Variants in MBOAT2 observed in about 807,000 individuals in gnomAD.
MBOAT2 encodes membrane-bound glycerophospholipid O-acyltransferase 2.
In MBOAT2, 28 loss-of-function variants were observed where a neutral mutation model predicts 63.4. That is an observed-to-expected ratio of 0.44 (90% CI 0.33 to 0.61). The LOEUF (loss-of-function observed/expected upper bound fraction) is 0.61. Among genes scored for constraint, MBOAT2 ranks in the 20% least tolerant of loss-of-function variants. The probability of loss-of-function intolerance (pLI) is 0.03; values close to 1 mark genes in which losing one functional copy is unlikely to be tolerated. For synonymous variants in MBOAT2, 211 were observed against 215.6 expected (o/e 0.98, Z 0.19); for missense variants, 470 against 605.8 (o/e 0.78, Z 2.35).
intron 3 of MBOAT2, among the ~76,000 whole-genome samples, chr2:8,928,365 C>T (rs935478065): frequency 3.3e-5 from 5 of 152,208 alleles, no homozygotes; most frequent in Middle Eastern, 3.4e-3. Flanking sequence ...GTGACGCTAA[C>T]GAGGGGCTAA....
rs1573305366 is a variant in MBOAT2 at position 9,003,488 on chromosome 2, CG to C, written c.75+51del. On this transcript the variant is annotated intron_variant, in intron 1 of 12. Transcript: ENST00000305997. This position sits in a 1 kb window ranked among gnomAD's most constrained non-coding sequence, Gnocchi z 5.4. ...GGCCCCCGGTCGGGTGGCACCGCGG[CG>C]GGGAGGGGCGGCGAGGGCGCGACGC... 8.8e-7 allele frequency: 1 copy of C among 1,133,474 alleles called. No homozygotes were observed. The highest frequency in any genetic ancestry group is 1.1e-6 in the Non-Finnish European group (1 of 917,458). 70.2% of individuals were successfully genotyped at this position (1,133,474 alleles called of 1,614,324 possible).
chr2:8,882,612 A>C, intron 5 of MBOAT2, 47 bp from the exon 6 acceptor site: 3 of 1,589,226 alleles, frequency 1.9e-6, no homozygotes, highest in Non-Finnish European at 2.6e-6. Context: ...TCTCCCCAAA[A>C]TGGCATTTTT....
At position 8,860,485 on chromosome 2, in the gene MBOAT2, A is replaced by T. The variant is rs1295737415; in HGVS notation, c.1337+128T>A. On this transcript the variant is annotated intron_variant, in intron 12 of 12. Transcript: ENST00000305997. ...CTTGCTTGGTTCAGAATTAAAAAGT[A>T]ACTGATAATGCATTTATCAGCAGGA... 7 of 909,756 alleles carry T rather than the reference A, an allele frequency of 7.7e-6. No individual in the cohort carries two copies. In the African/African-American group the frequency reaches 1.2e-4, roughly 15 times the overall value. The allele number at this position is 909,756 out of a possible 1,614,324, so 56.4% of individuals were successfully genotyped here. A position where few individuals can be genotyped will look rare whatever the true frequency, so the allele number is the denominator to read the frequency against.
intron 1 of MBOAT2, among the ~76,000 whole-genome samples, chr2:8,973,698 C>T (rs1374213322): frequency 2.0e-5 from 3 of 151,884 alleles, no homozygotes; most frequent in Admixed American, 6.6e-5. Flanking sequence ...GAAAAAGAAT[C>T]ACAAATGATT....
intron 10 of MBOAT2, among the ~76,000 whole-genome samples, 160 bp downstream of exon 10, chr2:8,864,010 T>G (rs1439303689): frequency 1.3e-5 from 2 of 152,212 alleles, no homozygotes; most frequent in Non-Finnish European, 2.9e-5. Flanking sequence ...CATTCGATAC[T>G]GACTTGCTTA....
intron 9 of MBOAT2, among the ~76,000 whole-genome samples, chr2:8,865,054 T>C (rs1387875334): frequency 6.6e-6 from 1 of 152,046 alleles, no homozygotes; most frequent in Non-Finnish European, 1.5e-5. Context: ...GAGTGCAGAG[T>C]ATCACCACAT....
At position 9,003,567 on chromosome 2, in the gene MBOAT2, G is replaced by A. The variant is rs1176041833; in HGVS notation, c.48C>T (p.Ser16=). 13 of 1,232,136 alleles carry A rather than the reference G, an allele frequency of 1.1e-5. No homozygotes were observed. Among genetic ancestry groups the A allele is most frequent in the Non-Finnish European group, 1.3e-5 (13 of 981,388 alleles). The allele number at this position is 1,232,136 out of a possible 1,614,324, so 76.3% of individuals were successfully genotyped here. Reference sequence around the variant, plus strand: ...GGTCGATGGGCAGCTGCACGGCGTTGCTGAGGGGCTGCAGCAGGGTGGAGC... The same window carrying A: ...GGTCGATGGGCAGCTGCACGGCGTTACTGAGGGGCTGCAGCAGGGTGGAGC... ...TTGSTLLQPL[S]NAVQLPIDQV... The change falls in exon 1 of 13, where the codon AGC becomes AGT. Residue 16 remains serine (S), a synonymous_variant. Coordinates refer to ENST00000305997, the MANE Select transcript of MBOAT2 (RefSeq NM_138799.4). The surrounding 1 kb of genome is among the most constrained non-coding windows in gnomAD (Gnocchi z 5.4).
At chr2:8,994,550 C>T (rs1280388536) in intron 1 of MBOAT2, among the ~76,000 whole-genome samples, 1 of 152,180 alleles carries the variant, frequency 6.6e-6, no homozygotes, top group Non-Finnish European at 1.5e-5. Flanking sequence ...ATACCAGGGG[C>T]CTCTCTTCTC....
chr2:8,920,510 G>A (rs1411185275), intron 3 of MBOAT2, among the ~76,000 whole-genome samples: 1 of 151,838 alleles, frequency 6.6e-6, no homozygotes, highest in Non-Finnish European at 1.5e-5. Flanking sequence ...GGTTACTTAA[G>A]GTCCTTAGTA....
intron 6 of MBOAT2, among the ~76,000 whole-genome samples, chr2:8,881,157 T>A (rs1450512381): frequency 6.6e-6 from 1 of 152,194 alleles, no homozygotes; most frequent in East Asian, 1.9e-4. Flanking sequence ...GAAGCTGGCC[T>A]TCGATTAGAT....
intron 1 of MBOAT2, among the ~76,000 whole-genome samples, chr2:8,960,734 G>C (rs992202359): frequency 3.3e-5 from 5 of 152,162 alleles, no homozygotes; most frequent in Non-Finnish European, 7.3e-5. Flanking sequence ...TCATCGTTCA[G>C]ATAAAGAAAA....
chr2:8,876,888 A>G (rs2148530300), intron 7 of MBOAT2, 142 bp downstream of exon 7: 3 of 724,918 alleles, frequency 4.1e-6, no homozygotes, highest in East Asian at 5.8e-5. Context: ...TACTTCTACC[A>G]GGTGCAGTGT....
chr2:8,880,831 G>A (rs13399632), intron 6 of MBOAT2, among the ~76,000 whole-genome samples: 20,765 of 152,250 alleles, frequency 0.14, 1,999 homozygotes, highest in African/African-American at 0.28. Flanking sequence ...AAGGCTGACA[G>A]TGAAATCGGC....
At chr2:8,998,901 G>C (rs1368962186) in intron 1 of MBOAT2, among the ~76,000 whole-genome samples, 1 of 152,072 alleles carries the variant, frequency 6.6e-6, no homozygotes, top group Non-Finnish European at 1.5e-5. Flanking sequence ...ATACATACGT[G>C]CACGCACACA....
At chr2:8,918,021 A>G (rs1012087141) in intron 3 of MBOAT2, among the ~76,000 whole-genome samples, 5 of 152,210 alleles carry the variant, frequency 3.3e-5, no homozygotes, top group African/African-American at 1.2e-4. Context: ...AGCAGGCTAA[A>G]TTGATCTATG....
chr2:8,880,067 C>G (rs745745177), intron 6 of MBOAT2, among the ~76,000 whole-genome samples: 1 of 151,840 alleles, frequency 6.6e-6, no homozygotes, highest in Non-Finnish European at 1.5e-5. Context: ...ATAGGGGAAG[C>G]CACTGGAGGA....
chr2:9,003,063 G>A lies in MBOAT2; in HGVS notation c.75+477C>T, dbSNP rs1251034830. 1.3e-5 allele frequency among the ~76,000 whole-genome samples: 2 copies of A among 152,076 alleles called. No individual in the cohort carries two copies. The highest frequency in any genetic ancestry group is 4.8e-5 in the African/African-American group (2 of 41,416). ...GTCTCTAAGGCACCCAGCACACCCAGACCCATGCATCAGCCTCTCCGGGGG... is the reference window on the plus strand; with the variant it reads ...GTCTCTAAGGCACCCAGCACACCCAAACCCATGCATCAGCCTCTCCGGGGG... On this transcript the variant is annotated intron_variant, in intron 1 of 12. Coordinates refer to ENST00000305997, the MANE Select transcript of MBOAT2 (RefSeq NM_138799.4). The surrounding 1 kb of genome is among the most constrained non-coding windows in gnomAD (Gnocchi z 5.4).
Position 8,973,614 on chromosome 2 carries a change from G to A in MBOAT2, c.76-14972C>T, listed in dbSNP as rs11676923. ...CAAGAGCTAATTTCTTTAATCTATC[G>A]GAAGCTCCCACATATCAATAATAAA... On this transcript the variant is annotated intron_variant, in intron 1 of 12. Coordinates refer to ENST00000305997, the MANE Select transcript of MBOAT2 (RefSeq NM_138799.4). Among the ~76,000 whole-genome samples, 51 of 151,144 alleles carry A rather than the reference G, an allele frequency of 3.4e-4. No homozygotes were observed. The East Asian group carries it at 9.5e-3, about 28-fold the overall frequency.
intron 1 of MBOAT2, among the ~76,000 whole-genome samples, chr2:8,998,602 G>T (rs896247118): frequency 1.3e-5 from 2 of 151,772 alleles, no homozygotes; most frequent in African/African-American, 4.8e-5. Flanking sequence ...ACGGTGCAGG[G>T]GAAGAGCGGG....
Sources: gnomAD v4.1 joint callset for allele counts (sites outside exome capture counted in the v4.1 genomes callset) on GRCh38, gnomAD v4.1.1 for gene constraint, Gnocchi (gnomAD v3.1) non-coding constraint, MANE v1.5 for transcripts, NCBI Gene and HGNC (gene_info 2026-07-23, HGNC 2026-07-21) for gene names.